Variants in NHSL1 observed in about 807,000 individuals in gnomAD.
NHSL1 encodes the protein NHS like 1, also known as NHS-like protein 1.
A neutral mutation model predicts 95.0 loss-of-function variants in NHSL1; 48 were observed. That is an observed-to-expected ratio of 0.51 (90% CI 0.40 to 0.64). NHSL1 has a LOEUF of 0.64. Among genes scored for constraint, NHSL1 ranks in the 30% least tolerant of loss-of-function variants. The pLI, the probability that NHSL1 is intolerant of heterozygous loss-of-function variation, is 0.00. For missense variants in NHSL1, 1,971 were observed against 2,077.7 expected (o/e 0.95, Z 1.00); for synonymous variants, 783 against 833.9 (o/e 0.94, Z 1.05).
intron 2 of NHSL1, among the ~76,000 whole-genome samples, chr6:138,495,852 G>A (rs935070661): frequency 3.3e-5 from 5 of 152,134 alleles, no homozygotes; most frequent in African/African-American, 9.7e-5. Flanking sequence ...CTTATATGGC[G>A]GCAGACAAGA....
chr6:138,629,611 G>A (rs1230572193), intron 1 of NHSL1, among the ~76,000 whole-genome samples: 1 of 152,180 alleles, frequency 6.6e-6, no homozygotes, highest in Admixed American at 6.5e-5. Context: ...TTGAACTCCT[G>A]ACCTCAGGTG....
At chr6:138,650,275 C>T (rs1481090392) in intron 1 of NHSL1, 2 of 661,240 alleles carry the variant, frequency 3.0e-6, no homozygotes, top group African/African-American at 3.6e-5. Context: ...AGGCTGGAGC[C>T]TTGGAAGAGC....
At chr6:138,649,025 G>C (rs1334120532) in intron 1 of NHSL1, among the ~76,000 whole-genome samples, 1 of 152,162 alleles carries the variant, frequency 6.6e-6, no homozygotes, top group African/African-American at 2.4e-5. Flanking sequence ...TAGAGGCTTA[G>C]TTATTATGCA....
At chr6:138,647,504 G>T (rs1419214176) in intron 1 of NHSL1, among the ~76,000 whole-genome samples, 2 of 151,996 alleles carry the variant, frequency 1.3e-5, no homozygotes, top group Non-Finnish European at 2.9e-5. Context: ...TTTGTAATCA[G>T]TCAACCTACA....
At chr6:138,674,743 A>T (rs1466904834) in intron 1 of NHSL1, among the ~76,000 whole-genome samples, 1 of 152,096 alleles carries the variant, frequency 6.6e-6, no homozygotes, top group East Asian at 1.9e-4. Context: ...GGTTGACTCC[A>T]TGTCTTTGCT....
chr6:138,670,503 A>G (rs1019923755), intron 1 of NHSL1, among the ~76,000 whole-genome samples: 32 of 151,182 alleles, frequency 2.1e-4, no homozygotes, highest in African/African-American at 6.5e-4. Context: ...CGTCTCTACT[A>G]AAAATACAAA....
chr6:138,555,126 G>A (rs149887967), intron 1 of NHSL1, among the ~76,000 whole-genome samples: 1 of 152,160 alleles, frequency 6.6e-6, no homozygotes, highest in East Asian at 1.9e-4. Context: ...AGCACGGTGC[G>A]GCCCACAAAA....
intron 1 of NHSL1, among the ~76,000 whole-genome samples, chr6:138,680,513 T>C (rs1022137736): frequency 2.0e-5 from 3 of 152,236 alleles, no homozygotes; most frequent in Admixed American, 1.3e-4. Context: ...AATTCACATT[T>C]AGCATGTGGA....
chr6:138,638,683 G>GTACACTA (rs776476797), intron 1 of NHSL1, among the ~76,000 whole-genome samples: 4 of 152,156 alleles, frequency 2.6e-5, no homozygotes, highest in Non-Finnish European at 5.9e-5. Flanking sequence ...TGAAACTTGG[G>GTACACTA]TACACTATTC....
rs983588894 is a variant in NHSL1 at position 138,620,881 on chromosome 6, G to C, written c.96+71595C>G. On this transcript the variant is annotated intron_variant, in intron 1 of 3. Transcript: ENST00000491526. ...CCAGTCTTCGGTCTTCAAACATCAT[G>C]CCACACACTGGGAATCTAGAGCAGG... Among the ~76,000 whole-genome samples the C allele has an allele frequency of 9.8e-5, 15 of 152,312 alleles. No homozygotes were observed. The South Asian group carries it at 2.3e-3, about 23-fold the overall frequency.
At chr6:138,555,096 C>A (rs1171506563) in intron 1 of NHSL1, among the ~76,000 whole-genome samples, 2 of 152,156 alleles carry the variant, frequency 1.3e-5, no homozygotes, top group East Asian at 3.8e-4. Context: ...ATAATAATCC[C>A]AGAGTTACAA....
At chr6:138,584,703 C>T (rs1784107426) in intron 1 of NHSL1, among the ~76,000 whole-genome samples, 2 of 152,212 alleles carry the variant, frequency 1.3e-5, no homozygotes, top group African/African-American at 4.8e-5. Context: ...AAGACAACTT[C>T]TATTACCATG....
intron 7 of NHSL1, among the ~76,000 whole-genome samples, chr6:138,427,821 C>A (rs941961131): frequency 3.3e-5 from 5 of 152,098 alleles, no homozygotes; most frequent in Admixed American, 3.3e-4. Flanking sequence ...AAATAAAGCC[C>A]TAAAAAAGCA....
intron 2 of NHSL1, among the ~76,000 whole-genome samples, chr6:138,482,177 GGTGGCTCACGCCT>G (rs1779453192): frequency 6.6e-6 from 1 of 152,222 alleles, no homozygotes; most frequent in African/African-American, 2.4e-5. Flanking sequence ...AGCCGGGCGT[GGTGGCTCACGCCT>G]GTAATCCCAA....
intron 5 of NHSL1, among the ~76,000 whole-genome samples, chr6:138,433,955 A>G (rs771057537): frequency 2.1e-4 from 32 of 152,138 alleles, no homozygotes; most frequent in Non-Finnish European, 3.7e-4. Flanking sequence ...CTTCAAGATC[A>G]AGGCTGCCAA....
At chr6:138,437,379 T>C (rs576570221) in intron 5 of NHSL1, among the ~76,000 whole-genome samples, 1 of 37,004 alleles carries the variant, frequency 2.7e-5, no homozygotes, top group African/African-American at 1.2e-4. Flanking sequence ...TATACACATA[T>C]ATATATACAC....
At chr6:138,493,456 AG>A (rs1411865986) in intron 2 of NHSL1, among the ~76,000 whole-genome samples, 11 of 152,372 alleles carry the variant, frequency 7.2e-5, no homozygotes, top group African/African-American at 2.4e-4. Context: ...CAGTTTTTCA[AG>A]GGGAGAAAAG....
intron 1 of NHSL1, chr6:138,650,273 G>A (rs1785072730): frequency 3.0e-6 from 2 of 659,140 alleles, no homozygotes; most frequent in Admixed American, 3.8e-5. Context: ...GCAGGCTGGA[G>A]CCTTGGAAGA....
Position 138,572,178 on chromosome 6 carries a change from AAAT to A in NHSL1, c.-270_-268del, listed in dbSNP as rs1583426555. 4 of 398,078 alleles carry A rather than the reference AAAT, an allele frequency of 1.0e-5. No homozygotes were observed. The East Asian group carries it at 1.4e-4, about 14-fold the overall frequency. The allele number at this position is 398,078 out of a possible 1,614,324, so 24.7% of individuals were successfully genotyped here. ...TAGATCCGCGATATCCACGGCCAAA[AAAT>A]AATAAACAAATAAAAGTATAATTTA... On this transcript the variant is annotated 5_prime_UTR_variant, in exon 1 of 7. Transcript: ENST00000427025.
Sources: gnomAD v4.1 joint callset for allele counts (sites outside exome capture counted in the v4.1 genomes callset) on GRCh38, gnomAD v4.1.1 for gene constraint, MANE v1.5 for transcripts, NCBI Gene and HGNC (gene_info 2026-07-23, HGNC 2026-07-21) for gene names.